SDK2: variants seen among roughly 807,000 people sequenced by gnomAD.
The protein encoded by SDK2 is sidekick cell adhesion molecule 2, also known as protein sidekick-2.
SDK2 carries 105 observed loss-of-function variants against 253.9 expected under a neutral mutation model. The observed-to-expected ratio is 0.41, with a 90% CI of 0.35 to 0.49. The LOEUF is 0.49. Ranked by LOEUF, SDK2 falls within the 20% of genes least tolerant of loss-of-function variation. The probability of loss-of-function intolerance (pLI) is 0.06; values close to 1 mark genes in which losing one functional copy is unlikely to be tolerated. For missense variants in SDK2, 2,608 were observed against 3,003.0 expected, an observed-to-expected ratio of 0.87 and a Z score of 3.07; for synonymous variants, 1,249 against 1,234.9, an observed-to-expected ratio of 1.01 and a Z score of -0.24.
At chr17:73,381,674 A>G (rs1301732047) in intron 33 of SDK2, among the ~76,000 whole-genome samples, 2 of 151,766 alleles carry the variant, frequency 1.3e-5, no homozygotes. Context: ...TGAGGTCAGG[A>G]GTTCGAGACC....
chr17:73,345,849 G>A (rs980821478), intron 44 of SDK2, among the ~76,000 whole-genome samples: 6 of 152,078 alleles, frequency 3.9e-5, no homozygotes, highest in African/African-American at 1.4e-4. Flanking sequence ...ATCCTTCCTG[G>A]CTTCTACTGA....
chr17:73,474,502 G>A (rs140429664), intron 2 of SDK2, among the ~76,000 whole-genome samples: 2 of 152,314 alleles, frequency 1.3e-5, no homozygotes, highest in African/African-American at 2.4e-5. Context: ...TGCCAAGTTC[G>A]CTCTGGCTCT....
Position 73,383,270 on chromosome 17 carries a change from G to A in SDK2, c.4705+606C>T, listed in dbSNP as rs576977930. 6.6e-6 allele frequency among the ~76,000 whole-genome samples: 1 copy of A among 152,300 alleles called. No homozygotes were observed. The highest frequency in any genetic ancestry group is 2.1e-4 in the South Asian group (1 of 4,822). On this transcript the variant is annotated intron_variant, in intron 33 of 44. Coordinates refer to ENST00000392650, the MANE Select transcript of SDK2 (RefSeq NM_001144952.2). The surrounding 1 kb of genome is among the most constrained non-coding windows in gnomAD (Gnocchi z 4.3). ...GCTCCTAACACAAAAGTCCAAACACGTCTTTCCCTTGCCGTGGTCTTCTGG... is the reference window on the plus strand; with the variant it reads ...GCTCCTAACACAAAAGTCCAAACACATCTTTCCCTTGCCGTGGTCTTCTGG...
intron 1 of SDK2, among the ~76,000 whole-genome samples, chr17:73,638,787 C>G (rs1328387620): frequency 6.7e-6 from 1 of 149,042 alleles, no homozygotes; most frequent in Non-Finnish European, 1.5e-5. Context: ...CAAGACAACT[C>G]TAAAAGGTAG....
At chr17:73,513,407 C>T (rs534481249) in intron 1 of SDK2, among the ~76,000 whole-genome samples, 1 of 152,276 alleles carries the variant, frequency 6.6e-6, no homozygotes, top group African/African-American at 2.4e-5. Flanking sequence ...AATAAGATAC[C>T]ATTTTTTCCC....
rs1299541063 is a variant in SDK2 at position 73,618,390 on chromosome 17, T to C, written c.64+25635A>G. Among the ~76,000 whole-genome samples the C allele has an allele frequency of 1.3e-5, 2 of 152,204 alleles. No homozygotes were observed. Among genetic ancestry groups the C allele is most frequent in the East Asian group, 3.8e-4 (2 of 5,198 alleles). On this transcript the variant is annotated intron_variant, in intron 1 of 44. Coordinates refer to ENST00000392650, the MANE Select transcript of SDK2 (RefSeq NM_001144952.2). This position sits in a 1 kb window ranked among gnomAD's most constrained non-coding sequence, Gnocchi z 4.1. ...TTCATTTATAGTCGTCAAAACAAGA[T>C]TCTCCAGGGAGGCAGTGGTCGGCCA...
chr17:73,408,625 A>T (rs2063100711), intron 18 of SDK2, among the ~76,000 whole-genome samples: 1 of 152,222 alleles, frequency 6.6e-6, no homozygotes, highest in Non-Finnish European at 1.5e-5. Context: ...AATGCATTGA[A>T]TGACCCCACA....
intron 2 of SDK2, among the ~76,000 whole-genome samples, chr17:73,488,682 G>A (rs944169861): frequency 4.6e-5 from 7 of 150,968 alleles, no homozygotes; most frequent in Non-Finnish European, 1.0e-4. Context: ...ACCCACTTCC[G>A]CAAGCACACT....
Position 73,395,013 on chromosome 17 carries a change from G to A in SDK2, c.3592+142C>T, listed in dbSNP as rs571151408. ...CTGGGAGAGGCGGCAACATCATTGT[G>A]ACATTGAGCATAAGCAGAGGAAATG... On this transcript the variant is annotated intron_variant, in intron 25 of 44. Transcript: ENST00000392650. The surrounding 1 kb of genome is among the most constrained non-coding windows in gnomAD (Gnocchi z 4.3). 1.5e-6 allele frequency: 1 copy of A among 647,520 alleles called. No individual in the cohort carries two copies. Among genetic ancestry groups the A allele is most frequent in the East Asian group, 2.7e-5 (1 of 36,566 alleles). The allele number at this position is 647,520 out of a possible 1,614,324, so 40.1% of individuals were successfully genotyped here.
chr17:73,399,447 TC>T (rs1403251046), intron 21 of SDK2, among the ~76,000 whole-genome samples, 158 bp from the exon 22 acceptor site: 8 of 152,262 alleles, frequency 5.3e-5, no homozygotes, highest in African/African-American at 1.9e-4. Flanking sequence ...CAGTCTTTGT[TC>T]CTGTGTCTTA....
intron 18 of SDK2, among the ~76,000 whole-genome samples, chr17:73,404,580 A>T (rs563361148): frequency 2.6e-5 from 4 of 152,318 alleles, no homozygotes; most frequent in South Asian, 4.1e-4. Context: ...TTGCACATGG[A>T]CCTACTAAGA....
At chr17:73,350,524 G>T in intron 42 of SDK2, 126 bp downstream of exon 42, 1 of 1,401,174 alleles carries the variant, frequency 7.1e-7, no homozygotes, top group Non-Finnish European at 9.6e-7. Flanking sequence ...ACCCTAGGCT[G>T]CCCCACCCAC....
intron 1 of SDK2, among the ~76,000 whole-genome samples, chr17:73,536,740 T>G (rs952588528): frequency 6.6e-6 from 1 of 152,168 alleles, no homozygotes; most frequent in Non-Finnish European, 1.5e-5. Context: ...CTGGCCATGC[T>G]GGGGGCAGGT....
At chr17:73,491,659 G>A (rs2063807301) in intron 2 of SDK2, among the ~76,000 whole-genome samples, 1 of 152,178 alleles carries the variant, frequency 6.6e-6, no homozygotes, top group Non-Finnish European at 1.5e-5. Context: ...TCAGATCACA[G>A]GCAGCAGGTC....
chr17:73,534,168 G>A lies in SDK2; in HGVS notation c.65-26571C>T, dbSNP rs539097670. On this transcript the variant is annotated intron_variant, in intron 1 of 44. Transcript: ENST00000392650. This position sits in a 1 kb window ranked among gnomAD's most constrained non-coding sequence, Gnocchi z 4.9. ...GTCTGCACTTTTATTCAGCAACCAC[G>A]GGACAATGCAGTGCAATGGCTGGTA... Among the ~76,000 whole-genome samples, 5 of 152,242 alleles carry A rather than the reference G, an allele frequency of 3.3e-5. No homozygotes were observed. The highest frequency in any genetic ancestry group is 4.1e-4 in the South Asian group (2 of 4,822).
chr17:73,502,201 C>G (rs1039144527), intron 2 of SDK2, among the ~76,000 whole-genome samples: 3 of 152,138 alleles, frequency 2.0e-5, no homozygotes, highest in African/African-American at 7.2e-5. Context: ...CCTTTGGAAA[C>G]ATAAATTTAT....
intron 18 of SDK2, among the ~76,000 whole-genome samples, chr17:73,405,503 T>TACATAC (rs2063067918): frequency 1.2e-5 from 1 of 82,786 alleles, no homozygotes; most frequent in Non-Finnish European, 2.4e-5. Flanking sequence ...TATATATATA[T>TACATAC]ATATATATAT....
At chr17:73,439,642 C>T (rs2063398579) in intron 6 of SDK2, among the ~76,000 whole-genome samples, 1 of 152,206 alleles carries the variant, frequency 6.6e-6, no homozygotes, top group East Asian at 1.9e-4. Flanking sequence ...AGTCTAACCC[C>T]CTGCCCATCC....
chr17:73,636,114 C>A (rs958881511), intron 1 of SDK2, among the ~76,000 whole-genome samples: 12 of 152,206 alleles, frequency 7.9e-5, no homozygotes, highest in African/African-American at 2.9e-4. Flanking sequence ...GTGACGTATG[C>A]CGTGGAAGCC....
Sources: gnomAD v4.1 joint callset for allele counts (sites outside exome capture counted in the v4.1 genomes callset) on GRCh38, gnomAD v4.1.1 for gene constraint, Gnocchi (gnomAD v3.1) non-coding constraint, MANE v1.5 for transcripts, NCBI Gene and HGNC (gene_info 2026-07-23, HGNC 2026-07-21) for gene names.